Variants in TRIM37 observed in about 807,000 individuals in gnomAD.
TRIM37 encodes the protein tripartite motif containing 37, also known as E3 ubiquitin-protein ligase TRIM37.
In TRIM37, 80 loss-of-function variants were observed where a neutral mutation model predicts 129.8. The observed-to-expected ratio is 0.62, with a 90% confidence interval of 0.51 to 0.74. TRIM37 has a LOEUF of 0.74. Among genes scored for constraint, TRIM37 ranks in the 30% least tolerant of loss-of-function variants. The pLI, the probability that TRIM37 is intolerant of heterozygous loss-of-function variation, is 0.00. For missense variants in TRIM37, 1,054 were observed against 1,176.5 expected (o/e 0.90, Z 1.52); for synonymous variants, 389 against 387.1 (o/e 1.00, Z -0.06).
chr17:59,023,563 G>C (rs1214865590), intron 19 of TRIM37, among the ~76,000 whole-genome samples: 1 of 151,938 alleles, frequency 6.6e-6, no homozygotes, highest in African/African-American at 2.4e-5. Flanking sequence ...GCTGAGGCTG[G>C]AGAATAGCAT....
At chr17:58,985,062 T>G (rs796715690) in intron 24 of TRIM37, 2 of 152,804 alleles carry the variant, frequency 1.3e-5, no homozygotes, top group African/African-American at 4.8e-5. Flanking sequence ...CATCTCACTT[T>G]TGAGTTCAGT....
chr17:59,041,002 C>T (rs1180581651), intron 17 of TRIM37, among the ~76,000 whole-genome samples: 4 of 151,666 alleles, frequency 2.6e-5, no homozygotes, highest in Non-Finnish European at 4.4e-5. Context: ...GCCGAGATTG[C>T]GCCACTGCAG....
At chr17:59,020,061 T>C (rs879898431) in intron 19 of TRIM37, among the ~76,000 whole-genome samples, 2 of 151,346 alleles carry the variant, frequency 1.3e-5, no homozygotes, top group Non-Finnish European at 2.9e-5. Context: ...TGAAACCCCA[T>C]CTCTACTAAA....
At chr17:58,981,758 GA>G (rs60069314), downstream of TRIM37, 152,087 of 152,708 alleles carry the variant, frequency 1, 75,736 homozygotes, top group Middle Eastern at 1. Context: ...GCTTTTGGTG[GA>G]AATTTTTATT....
At chr17:59,093,318 GCTCCTCTCCAGAACTGGTCTCATGAA>G (rs2147357974) in intron 2 of TRIM37, among the ~76,000 whole-genome samples, 1 of 152,198 alleles carries the variant, frequency 6.6e-6, no homozygotes, top group African/African-American at 2.4e-5. Context: ...TAAAGTCACA[GCTCCTCTCCAGAACTGGTCTCATGAA>G]CTCCTCTCCA....
chr17:58,977,752 CTT>C (rs1161003647), downstream of TRIM37, among the ~76,000 whole-genome samples: 2 of 151,828 alleles, frequency 1.3e-5, no homozygotes, highest in East Asian at 3.9e-4. Context: ...TGGAAAGAAA[CTT>C]TTTTTTGAGA....
the TRIM37 span, among the ~76,000 whole-genome samples, chr17:58,968,562 A>G: frequency 1.3e-5 from 2 of 152,356 alleles, no homozygotes; most frequent in East Asian, 1.9e-4. Flanking sequence ...TTAAGAATCA[A>G]TGACAGGCCT....
intron 2 of TRIM37, among the ~76,000 whole-genome samples, chr17:59,091,997 G>GAA (rs956940445): frequency 7.2e-5 from 10 of 138,954 alleles, no homozygotes; most frequent in African/African-American, 2.4e-4. Context: ...AAGCTAATTC[G>GAA]AAAAAAAAAA....
At chr17:59,060,175 C>T (rs755142480) in intron 12 of TRIM37, among the ~76,000 whole-genome samples, 1 of 152,192 alleles carries the variant, frequency 6.6e-6, no homozygotes, top group African/African-American at 2.4e-5. Flanking sequence ...CAGATTCTCC[C>T]TCAGTCCCAG....
intron 24 of TRIM37, among the ~76,000 whole-genome samples, chr17:58,989,206 T>A (rs1175762216): frequency 6.6e-6 from 1 of 151,956 alleles, no homozygotes; most frequent in Non-Finnish European, 1.5e-5. Flanking sequence ...GAGGCCAAGG[T>A]GGGAGGATTG....
intron 3 of TRIM37, chr17:59,089,900 GACC>G (rs908613013): frequency 6.6e-6 from 1 of 152,092 alleles, no homozygotes; most frequent in Non-Finnish European, 1.5e-5. Flanking sequence ...AGGAAGTCGA[GACC>G]AGTTTGGCCA....
intron 15 of TRIM37, among the ~76,000 whole-genome samples, chr17:59,048,930 G>C (rs555711122): frequency 6.6e-6 from 1 of 152,180 alleles, no homozygotes; most frequent in African/African-American, 2.4e-5. Flanking sequence ...ATGTATGGTA[G>C]TTTAGGTTTT....
At chr17:59,019,003 G>A (rs1269065056) in intron 19 of TRIM37, among the ~76,000 whole-genome samples, 3 of 152,182 alleles carry the variant, frequency 2.0e-5, no homozygotes, top group Admixed American at 6.5e-5. Flanking sequence ...GGGACAATAA[G>A]TGTTGCCAAC....
the TRIM37 span, chr17:58,969,410 T>A: frequency 5.6e-6 from 5 of 887,780 alleles, no homozygotes; most frequent in African/African-American, 8.2e-5. Context: ...AGGAAAACAT[T>A]TAGTCTCATT....
At chr17:59,060,962 A>G (rs1056142931) in intron 12 of TRIM37, 70 bp downstream of exon 12, 9 of 1,157,154 alleles carry the variant, frequency 7.8e-6, no homozygotes, top group South Asian at 5.1e-5. Context: ...AAAAATAAAA[A>G]TTAACAAAAA....
chr17:59,060,443 T>G (rs2041381397), intron 12 of TRIM37, among the ~76,000 whole-genome samples: 1 of 147,772 alleles, frequency 6.8e-6, no homozygotes, highest in African/African-American at 2.5e-5. Flanking sequence ...GTAACAGAGT[T>G]AAAAAAAAAA....
intron 23 of TRIM37, 49 bp downstream of exon 23, chr17:59,001,549 G>A (rs776473379): frequency 7.1e-5 from 114 of 1,611,436 alleles, no homozygotes; most frequent in Middle Eastern, 1.7e-4. Flanking sequence ...AAAGAGAAGC[G>A]GCAGCGGTGG....
chr17:59,002,920 T>A (rs865925906), intron 22 of TRIM37, among the ~76,000 whole-genome samples: 3 of 152,142 alleles, frequency 2.0e-5, no homozygotes, highest in Non-Finnish European at 2.9e-5. Context: ...AGGGTCTCAC[T>A]CTGTTACCCA....
chr17:59,021,536 C>T (rs2036603871), intron 19 of TRIM37, among the ~76,000 whole-genome samples: 1 of 152,106 alleles, frequency 6.6e-6, no homozygotes. Flanking sequence ...CACAGAAAGA[C>T]AAACTTCACA....
Sources: gnomAD v4.1 joint callset for allele counts (sites outside exome capture counted in the v4.1 genomes callset) on GRCh38, gnomAD v4.1.1 for gene constraint, MANE v1.5 for transcripts, NCBI Gene and HGNC (gene_info 2026-07-23, HGNC 2026-07-21) for gene names.